CUBN: variants seen among roughly 807,000 people sequenced by gnomAD.
CUBN encodes 460 kDa receptor.
Under a neutral mutation model 405.3 loss-of-function variants are expected in CUBN, and 282 were observed. That is an observed-to-expected ratio of 0.70 (90% CI 0.63 to 0.77). The LOEUF is 0.77. Among genes scored for constraint, CUBN ranks in the 30% least tolerant of loss-of-function variants. CUBN has a pLI of 0.00. For synonymous variants in CUBN, 1,684 were observed against 1,617.0 expected (o/e 1.04, Z -0.99); for missense variants, 4,514 against 4,475.2 (o/e 1.01, Z -0.25).
intron 38 of CUBN, 64 bp downstream of exon 38, chr10:16,938,899 G>A (rs1842585676): frequency 7.1e-6 from 10 of 1,407,420 alleles, no homozygotes; most frequent in Admixed American, 3.3e-5. Context: ...CGTTACCTTG[G>A]ATTTATTTTT....
chr10:17,098,711 G>A lies in CUBN; in HGVS notation c.1765+1294C>T, dbSNP rs117182186. ...TCTACAAAAAATAATTAGACATGAT[G>A]AGTGAATTTAACAATGTATATGGAA... On this transcript the variant is annotated intron_variant, in intron 14 of 66. Transcript: ENST00000377833. 6.6e-3 allele frequency among the ~76,000 whole-genome samples: 1,007 copies of A among 152,236 alleles called. 4 individuals carry two copies. Among genetic ancestry groups the A allele is most frequent in the Non-Finnish European group, 0.011 (763 of 67,986 alleles).
At chr10:17,035,678 T>C (rs1227965907) in intron 27 of CUBN, among the ~76,000 whole-genome samples, 1 of 152,152 alleles carries the variant, frequency 6.6e-6, no homozygotes, top group African/African-American at 2.4e-5. Flanking sequence ...GATCAGGTCC[T>C]TTGCAAGAAT....
intron 58 of CUBN, among the ~76,000 whole-genome samples, chr10:16,872,055 T>A (rs1258654627): frequency 6.6e-6 from 1 of 151,612 alleles, no homozygotes. Context: ...CAAAACTCCA[T>A]CTCTACTAAA....
At position 17,016,339 on chromosome 10, in the gene CUBN, G is replaced by T. The variant is rs1018596379; in HGVS notation, c.4168+3494C>A. Among the ~76,000 whole-genome samples, 4 of 152,130 alleles carry T rather than the reference G, an allele frequency of 2.6e-5. No individual in the cohort carries two copies. In the South Asian group the frequency reaches 8.3e-4, roughly 32 times the overall value. Reference sequence around the variant, plus strand: ...CGAGGTCCCAGTGGGGATCCATACTGGGGAAGGCTTTTTGACCAGTAGAGA... The same window carrying T: ...CGAGGTCCCAGTGGGGATCCATACTTGGGAAGGCTTTTTGACCAGTAGAGA... On this transcript the variant is annotated intron_variant, in intron 28 of 66. Coordinates refer to ENST00000377833, the MANE Select transcript of CUBN (RefSeq NM_001081.4).
At chr10:17,129,394 GC>G in intron 1 of CUBN, 144 bp from the exon 2 acceptor site, 1 of 1,040,244 alleles carries the variant, frequency 9.6e-7, no homozygotes, top group Non-Finnish European at 1.4e-6. Flanking sequence ...CTGCTCATCT[GC>G]CACTTTTTTC....
rs1045996653 is a variant in CUBN at position 17,043,763 on chromosome 10, C to T, written c.3829+64G>A. ...CTTACTCTGCCAGTATTCACACTTA[C>T]TCTGCTGGTATTCACACTTACTCTG... On this transcript the variant is annotated intron_variant, in intron 26 of 66. Coordinates refer to ENST00000377833, the MANE Select transcript of CUBN (RefSeq NM_001081.4). The T allele has an allele frequency of 6.2e-6, 10 of 1,601,870 alleles. No individual in the cohort carries two copies. In the Admixed American group the frequency reaches 1.5e-4, roughly 24 times the overall value.
intron 28 of CUBN, among the ~76,000 whole-genome samples, chr10:16,994,291 C>A (rs1256606208): frequency 6.6e-6 from 1 of 152,110 alleles, no homozygotes; most frequent in Non-Finnish European, 1.5e-5. Context: ...AAAAGAAAGA[C>A]ATTTATAGAC....
Position 16,982,577 on chromosome 10 carries a change from T to C in CUBN, c.4602A>G (p.Thr1534=), listed in dbSNP as rs745363446. The change falls in exon 31 of 67, where the codon ACA becomes ACG. Residue 1534 remains threonine, a synonymous_variant. Transcript: ENST00000377833. Reference sequence around the variant, plus strand: ...CAACCCGAATGACCCAAGAACAGTCTGTGTTGCTCCTATAAGGACTGGGGT... The same window carrying C: ...CAACCCGAATGACCCAAGAACAGTCCGTGTTGCTCCTATAAGGACTGGGGT... ...PNYPSPYRSN[T]DCSWVIRVDR... is the part of the protein sequence containing the mutation. The C allele has an allele frequency of 3.7e-6, 6 of 1,613,806 alleles. No individual in the cohort carries two copies. The South Asian group carries it at 5.5e-5, about 15-fold the overall frequency.
chr10:16,862,202 C>CATCT (rs1840040771), intron 59 of CUBN, among the ~76,000 whole-genome samples: 5 of 147,012 alleles, frequency 3.4e-5, no homozygotes, highest in African/African-American at 1.3e-4. Flanking sequence ...ACATCACATC[C>CATCT]CTGGGTATTT....
intron 28 of CUBN, among the ~76,000 whole-genome samples, chr10:17,017,171 C>A (rs550322874): frequency 4.6e-5 from 7 of 152,232 alleles, no homozygotes; most frequent in South Asian, 4.2e-4. Flanking sequence ...TTTTGTTTCT[C>A]CCTCTGCCCA....
intron 59 of CUBN, among the ~76,000 whole-genome samples, chr10:16,855,842 T>C (rs919635035): frequency 6.6e-6 from 1 of 152,210 alleles, no homozygotes; most frequent in Admixed American, 6.5e-5. Flanking sequence ...GTGAATATCA[T>C]ATTACATGAG....
intron 17 of CUBN, among the ~76,000 whole-genome samples, chr10:17,076,888 C>T (rs535519076): frequency 1.3e-5 from 2 of 152,276 alleles, no homozygotes; most frequent in South Asian, 2.1e-4. Context: ...AGAATAAACA[C>T]GTTATTGAAA....
At chr10:16,905,947 T>C (rs1288835141) in intron 50 of CUBN, among the ~76,000 whole-genome samples, 2 of 152,088 alleles carry the variant, frequency 1.3e-5, no homozygotes, top group African/African-American at 4.8e-5. Context: ...ACCCCATCTC[T>C]ACAAAAAATT....
intron 60 of CUBN, among the ~76,000 whole-genome samples, chr10:16,842,412 T>G (rs982520071): frequency 6.6e-6 from 1 of 152,192 alleles, no homozygotes; most frequent in Non-Finnish European, 1.5e-5. Context: ...AATAAACAAG[T>G]GCTTTGATTC....
At position 16,835,257 on chromosome 10, in the gene CUBN, C is replaced by T. The variant is rs1250308955; in HGVS notation, c.10181-62G>A. 3 of 1,316,060 alleles carry T rather than the reference C, an allele frequency of 2.3e-6. No homozygotes were observed. In the African/African-American group the frequency reaches 4.4e-5, roughly 19 times the overall value. 81.5% of individuals were successfully genotyped at this position (1,316,060 alleles called of 1,614,324 possible). A position where few individuals can be genotyped will look rare whatever the true frequency, so the allele number is the denominator to read the frequency against. ...CCAATATTTAGTGCTCTTTCAACTT[C>T]ACAGGAATCATTCAAAAAGATCATT... On this transcript the variant is annotated intron_variant, in intron 63 of 66. Transcript: ENST00000377833.
chr10:16,945,495 C>T (rs754989910), intron 36 of CUBN, among the ~76,000 whole-genome samples: 7 of 152,026 alleles, frequency 4.6e-5, no homozygotes, highest in Non-Finnish European at 1.0e-4. Context: ...AGGCCAGGCA[C>T]GGTGGCTCAT....
At chr10:16,919,299 T>C (rs1404860573) in intron 44 of CUBN, among the ~76,000 whole-genome samples, 2 of 152,206 alleles carry the variant, frequency 1.3e-5, no homozygotes, top group Admixed American at 6.5e-5. Flanking sequence ...TAATGCTCCA[T>C]GAGTGGAAAA....
intron 29 of CUBN, among the ~76,000 whole-genome samples, chr10:16,985,609 G>A (rs1482551323): frequency 6.6e-6 from 1 of 152,198 alleles, no homozygotes; most frequent in Non-Finnish European, 1.5e-5. Context: ...TGCCCATGAG[G>A]GCTTTGAGAG....
At chr10:17,070,769 C>T (rs765758308) in intron 19 of CUBN, among the ~76,000 whole-genome samples, 5 of 152,080 alleles carry the variant, frequency 3.3e-5, no homozygotes, top group African/African-American at 4.8e-5. Flanking sequence ...GTGTGGATTC[C>T]TTATGATTTC....
Sources: allele counts gnomAD v4.1 joint callset (sites outside exome capture counted in the v4.1 genomes callset), GRCh38; gene constraint gnomAD v4.1.1; transcripts MANE v1.5; gene names NCBI Gene and HGNC (gene_info 2026-07-23, HGNC 2026-07-21).